LUC7L2: variants seen among roughly 807,000 people sequenced by gnomAD.
LUC7L2 encodes the protein putative RNA-binding protein Luc7-like 2.
Under a neutral mutation model 52.8 loss-of-function variants are expected in LUC7L2, and 25 were observed. The ratio of observed to expected loss-of-function variants is 0.47; its 90% CI spans 0.34 to 0.66. LUC7L2 has a LOEUF of 0.66. Among genes scored for constraint, LUC7L2 ranks in the 30% least tolerant of loss-of-function variants. The pLI is 0.01. For synonymous variants in LUC7L2, 144 were observed against 160.9 expected (o/e 0.89, Z 0.80); for missense variants, 328 against 497.8 (o/e 0.66, Z 3.25).
chr7:139,360,389 G>T, intron 1 of LUC7L2, 67 bp downstream of exon 1: 1 of 1,430,344 alleles, frequency 7.0e-7, no homozygotes, highest in Admixed American at 2.1e-5. Context: ...GGGGTTCCGA[G>T]GGCGCACCTG....
At position 139,421,894 on chromosome 7, in the gene LUC7L2, ACT is replaced by A. The variant is rs569760121; in HGVS notation, c.1002-266_1002-265del. ...AAAATACCTTTTATGAATTGGAGAA[ACT>A]CTGTGTTGTCTCTGAGATGAGAGTA... On this transcript the variant is annotated intron_variant, in intron 9 of 9. Coordinates refer to ENST00000354926, the MANE Select transcript of LUC7L2 (RefSeq NM_016019.5). Among the ~76,000 whole-genome samples the A allele has an allele frequency of 7.4e-4, 112 of 152,162 alleles. 1 individual carries two copies. The highest frequency in any genetic ancestry group is 2.5e-3 in the African/African-American group (105 of 41,506).
In LUC7L2 at chr7:139,398,552, TA is replaced by T. The variant is rs746086729; in HGVS notation, c.157-41del. 42 of 1,522,002 alleles carry T rather than the reference TA, an allele frequency of 2.8e-5. 1 individual carries two copies. In the African/African-American group the frequency reaches 4.2e-4, roughly 15 times the overall value. The allele number at this position is 1,522,002 out of a possible 1,614,324, so 94.3% of individuals were successfully genotyped here. On this transcript the variant is annotated intron_variant, in intron 2 of 9. Coordinates refer to ENST00000354926, the MANE Select transcript of LUC7L2 (RefSeq NM_016019.5). ...GAACTGTGGTTGTTGAAGCATTTTT[TA>T]AAAAACTTTTTTTTGTTTTAATATT...
chr7:139,365,064 T>C (rs1800085317), intron 1 of LUC7L2, among the ~76,000 whole-genome samples: 1 of 152,254 alleles, frequency 6.6e-6, no homozygotes, highest in South Asian at 2.1e-4. Flanking sequence ...CAGTAGTTTC[T>C]CTGCGTTTCA....
chr7:139,382,467 C>T (rs1042659767), intron 2 of LUC7L2, among the ~76,000 whole-genome samples: 1 of 152,144 alleles, frequency 6.6e-6, no homozygotes, highest in Non-Finnish European at 1.5e-5. Context: ...ACTGCAACCT[C>T]TCCCTCCTGA....
intron 8 of LUC7L2, among the ~76,000 whole-genome samples, chr7:139,414,346 C>A (rs574863856): frequency 5.3e-5 from 8 of 152,330 alleles, no homozygotes; most frequent in Non-Finnish European, 1.2e-4. Flanking sequence ...ATCAGATACA[C>A]TAATGATAAC....
intron 8 of LUC7L2, among the ~76,000 whole-genome samples, chr7:139,414,630 C>A (rs1280888124): frequency 6.6e-6 from 1 of 152,222 alleles, no homozygotes; most frequent in East Asian, 1.9e-4. Context: ...GCCTGTAAGA[C>A]CCTGATATTA....
intron 1 of LUC7L2, among the ~76,000 whole-genome samples, chr7:139,352,836 AAAGT>A (rs1162582290): frequency 6.6e-6 from 1 of 152,248 alleles, no homozygotes; most frequent in Non-Finnish European, 1.5e-5. Context: ...GGCAGTCTGT[AAAGT>A]AAGTTTTAAT....
intron 1 of LUC7L2, among the ~76,000 whole-genome samples, chr7:139,368,153 A>G (rs1003059981): frequency 1.3e-5 from 2 of 152,200 alleles, no homozygotes; most frequent in Non-Finnish European, 2.9e-5. Context: ...GCTTTAGGGT[A>G]TAGTAATTAT....
At chr7:139,345,764 T>G in intron 1 of LUC7L2, 1 of 1,478,680 alleles carries the variant, frequency 6.8e-7, no homozygotes, top group Non-Finnish European at 9.0e-7. Context: ...TCTATCAATA[T>G]GTATTTATCA....
intron 1 of LUC7L2, chr7:139,341,240 G>A (rs780313931): frequency 1.4e-6 from 2 of 1,390,764 alleles, no homozygotes. Flanking sequence ...TTCGGTCAAC[G>A]GACAAGTGAG....
intron 2 of LUC7L2, among the ~76,000 whole-genome samples, chr7:139,376,845 A>C (rs1221291320): frequency 2.6e-5 from 4 of 152,184 alleles, no homozygotes; most frequent in Non-Finnish European, 1.5e-5. Flanking sequence ...TAGGGGCTAA[A>C]CCTCGAGCTG....
At chr7:139,350,183 G>A (rs1435794967) in intron 1 of LUC7L2, among the ~76,000 whole-genome samples, 4 of 151,870 alleles carry the variant, frequency 2.6e-5, no homozygotes, top group African/African-American at 4.8e-5. Flanking sequence ...GTGCAGTGGC[G>A]CGATCTCTGC....
chr7:139,379,241 C>T (rs770343205), intron 2 of LUC7L2, among the ~76,000 whole-genome samples: 2 of 152,176 alleles, frequency 1.3e-5, no homozygotes, highest in Non-Finnish European at 2.9e-5. Flanking sequence ...GTTGTACATA[C>T]TTATAGCCCC....
intron 1 of LUC7L2, chr7:139,375,338 A>G: frequency 3.0e-6 from 3 of 985,432 alleles, no homozygotes; most frequent in Non-Finnish European, 3.6e-6. Flanking sequence ...CCAGTTTGGC[A>G]GTATGAAAAA....
At chr7:139,376,571 ATAC>A (rs1476247369) in intron 2 of LUC7L2, among the ~76,000 whole-genome samples, 2 of 152,224 alleles carry the variant, frequency 1.3e-5, no homozygotes, top group Admixed American at 1.3e-4. Context: ...ATATTAGTAA[ATAC>A]TTATATCCAC....
upstream of LUC7L2, chr7:139,359,683 G>A (rs2131171734): frequency 2.5e-6 from 1 of 398,046 alleles, no homozygotes; most frequent in South Asian, 1.3e-4. Context: ...GTAATGTAAG[G>A]TTTGGCGCCT....
rs1037084014 is a variant in LUC7L2, at chr7:139,360,425, G to T, written c.61+103G>T. 3.8e-5 allele frequency: 42 copies of T among 1,095,262 alleles called. No homozygotes were observed. The African/African-American group carries it at 6.2e-4, about 16-fold the overall frequency. 67.8% of individuals were successfully genotyped at this position (1,095,262 alleles called of 1,614,324 possible). A position where few individuals can be genotyped will look rare whatever the true frequency, so the allele number is the denominator to read the frequency against. Reference sequence around the variant, plus strand: ...GGCGCGCGCGTGTGGCTGAGTAAGGGGCTCCCAGATTGGTAACACGAGGTC... The same window carrying T: ...GGCGCGCGCGTGTGGCTGAGTAAGGTGCTCCCAGATTGGTAACACGAGGTC... On this transcript the variant is annotated intron_variant, in intron 1 of 9. Coordinates refer to ENST00000354926, the MANE Select transcript of LUC7L2 (RefSeq NM_016019.5).
At chr7:139,389,327 C>T (rs999891864) in intron 2 of LUC7L2, among the ~76,000 whole-genome samples, 3 of 152,148 alleles carry the variant, frequency 2.0e-5, no homozygotes, top group Admixed American at 1.3e-4. Flanking sequence ...CTTTCACCAT[C>T]TAGTCAGAGG....
intron 1 of LUC7L2, chr7:139,371,417 C>A: frequency 1.5e-6 from 2 of 1,333,108 alleles, no homozygotes; most frequent in South Asian, 1.3e-5. Context: ...ATAGCATGGT[C>A]ATCCACTCAC....
Sources: allele counts gnomAD v4.1 joint callset (sites outside exome capture counted in the v4.1 genomes callset), GRCh38; gene constraint gnomAD v4.1.1; transcripts MANE v1.5; gene names NCBI Gene and HGNC (gene_info 2026-07-23, HGNC 2026-07-21).